The following SEC24C variants were observed in gnomAD, a reference collection of about 807,000 sequenced individuals.
SEC24C encodes the protein SEC24 homolog C, COPII component, also known as protein transport protein Sec24C.
SEC24C carries 22 observed loss-of-function variants against 117.0 expected under a neutral mutation model. The observed-to-expected ratio is 0.19, with a 90% CI of 0.13 to 0.27. The LOEUF (loss-of-function observed/expected upper bound fraction) is 0.27, where lower values mean the gene tolerates loss of function less well. Among genes scored for constraint, SEC24C ranks in the 10% least tolerant of loss-of-function variants. SEC24C has a pLI of 1.00. For synonymous variants in SEC24C, 506 were observed against 529.4 expected (o/e 0.96, Z 0.61); for missense variants, 1,155 against 1,375.1 (o/e 0.84, Z 2.53).
chr10:73,762,199 A>G (rs2082808197), intron 6 of SEC24C: 1 of 1,276,532 alleles, frequency 7.8e-7, no homozygotes, highest in South Asian at 1.2e-5. Context: ...TGTGCATGTC[A>G]TTCCTGTGTT....
At position 73,751,144 on chromosome 10, in the gene SEC24C, C is replaced by A. The variant is rs1444487061; in HGVS notation, c.209C>A (p.Pro70Gln). ...GCCCCACCTTCCTCGGGGGCACCTC[C>A]AGCCTCAACAGCACAGGCTCCTTGT... ...SRAPPSSGAPPASTAQAPCGQ... is the reference protein window; with the variant it reads ...SRAPPSSGAPQASTAQAPCGQ... The change falls in exon 3 of 23, where the codon CCA becomes CAA. Residue 70 changes from proline (P) to glutamine (Q), a missense_variant. By Grantham distance (76) the Pro-to-Gln change is moderately conservative (BLOSUM62 -1). Transcript: ENST00000345254. 1.2e-6 allele frequency: 2 copies of A among 1,614,186 alleles called. No homozygotes were observed. Among genetic ancestry groups the A allele is most frequent in the Non-Finnish European group, 1.7e-6 (2 of 1,180,018 alleles).
At chr10:73,764,478 T>C (rs1281860924) in intron 8 of SEC24C, among the ~76,000 whole-genome samples, 1 of 147,770 alleles carries the variant, frequency 6.8e-6, no homozygotes, top group East Asian at 2.0e-4. Flanking sequence ...GAGGCGAGAT[T>C]GCACCACTGC....
In SEC24C at chr10:73,771,252, T is replaced by G; in HGVS notation, c.*157T>G. On this transcript the variant is annotated 3_prime_UTR_variant, in exon 23 of 23. Transcript: ENST00000345254. ...GAGACACCTTCTTTCTGGGCTCAAG[T>G]ATCCTGCCACTCTGTCATGTCCTGC... 1.3e-6 allele frequency: 1 copy of G among 784,000 alleles called. No homozygotes were observed. The highest frequency in any genetic ancestry group is 2.0e-6 in the Non-Finnish European group (1 of 500,672). The allele number at this position is 784,000 out of a possible 1,614,324, so 48.6% of individuals were successfully genotyped here. A position where few individuals can be genotyped will look rare whatever the true frequency, so the allele number is the denominator to read the frequency against.
At chr10:73,747,071 T>C (rs1186986768) in intron 2 of SEC24C, 67 bp downstream of exon 2, 1 of 1,462,148 alleles carries the variant, frequency 6.8e-7, no homozygotes, top group Non-Finnish European at 9.3e-7. Context: ...GGTTGGGTTG[T>C]ATTGCTCTAG....
chr10:73,766,886 C>T, intron 13 of SEC24C, 33 bp downstream of exon 13: 1 of 1,574,534 alleles, frequency 6.4e-7, no homozygotes, highest in Admixed American at 1.7e-5. Flanking sequence ...CCTCCTCTAA[C>T]TCCATTTTCC....
chr10:73,769,388 C>G lies in SEC24C; in HGVS notation c.2466C>G (p.Leu822=). 1 of 1,614,116 alleles carries G rather than the reference C, an allele frequency of 6.2e-7. No homozygotes were observed. Among genetic ancestry groups the G allele is most frequent in the East Asian group, 2.2e-5 (1 of 44,882 alleles). Residue 822 remains leucine (L), a synonymous_variant, in exon 18 of 23, where the codon CTC becomes CTG. Coordinates refer to ENST00000345254, the MANE Select transcript of SEC24C (RefSeq NM_198597.3). The surrounding 1 kb of genome is among the most constrained non-coding windows in gnomAD (Gnocchi z 4.5). ...CCAGCTGTGCAGGGCAGCGTCGGCTCCGCATCCATAATCTGGCCCTGAACT... is the reference window on the plus strand; with the variant it reads ...CCAGCTGTGCAGGGCAGCGTCGGCTGCGCATCCATAATCTGGCCCTGAACT... ...LYTSCAGQRR[L]RIHNLALNCC...
rs2082991410 is a variant in SEC24C, at chr10:73,771,960, G to T, written c.*865G>T. 4.9e-6 allele frequency: 1 copy of T among 202,094 alleles called. No homozygotes were observed. The highest frequency in any genetic ancestry group is 9.9e-6 in the Non-Finnish European group (1 of 101,230). The allele number at this position is 202,094 out of a possible 1,614,324, so 12.5% of individuals were successfully genotyped here. On this transcript the variant is annotated 3_prime_UTR_variant, in exon 23 of 23. Transcript: ENST00000345254. Reference sequence around the variant, plus strand: ...TCTCTCCTGCTGGGACACCGCTTGGGCTTTGGTATTGACTGAGTGGCTGAC... The same window carrying T: ...TCTCTCCTGCTGGGACACCGCTTGGTCTTTGGTATTGACTGAGTGGCTGAC...
Position 73,769,230 on chromosome 10 carries a change from G to A in SEC24C, c.2424+78G>A, listed in dbSNP as rs977175246. The A allele has an allele frequency of 6.3e-7, 1 of 1,591,240 alleles. No homozygotes were observed. The highest frequency in any genetic ancestry group is 1.1e-5 in the South Asian group (1 of 88,676). On this transcript the variant is annotated intron_variant, in intron 17 of 22. Transcript: ENST00000345254. The surrounding 1 kb of genome is among the most constrained non-coding windows in gnomAD (Gnocchi z 4.5). Reference sequence around the variant, plus strand: ...GAAGAGGGTGAGGAATGGGTAGAGAGCACTAAAAGAAGAGACAGGGCACGG... The same window carrying A: ...GAAGAGGGTGAGGAATGGGTAGAGAACACTAAAAGAAGAGACAGGGCACGG...
intron 2 of SEC24C, among the ~76,000 whole-genome samples, chr10:73,749,249 G>A (rs569245092): frequency 6.6e-6 from 1 of 152,300 alleles, no homozygotes; most frequent in East Asian, 1.9e-4. Flanking sequence ...CTGTTGACTT[G>A]TAGTCTCCTT....
chr10:73,745,391 T>A (rs956477625), intron 1 of SEC24C, among the ~76,000 whole-genome samples: 2 of 151,488 alleles, frequency 1.3e-5, no homozygotes, highest in Non-Finnish European at 2.9e-5. Flanking sequence ...TTCATAGTCT[T>A]CTGCTTGAGG....
chr10:73,768,089 G>C (rs1029208778), intron 15 of SEC24C, 82 bp downstream of exon 15: 11 of 1,376,018 alleles, frequency 8.0e-6, no homozygotes, highest in Non-Finnish European at 1.1e-5. Flanking sequence ...CTCATTAATA[G>C]AAATAGTGTT....
At chr10:73,764,128 C>T in intron 8 of SEC24C, 145 bp downstream of exon 8, 1 of 1,117,168 alleles carries the variant, frequency 9.0e-7, no homozygotes, top group African/African-American at 1.6e-5. Context: ...GGCTTTCTAT[C>T]CCAGGGCCCA....
chr10:73,762,110 C>T (rs2082806479), intron 6 of SEC24C: 3 of 1,289,672 alleles, frequency 2.3e-6, no homozygotes, highest in Non-Finnish European at 3.0e-6. Flanking sequence ...ACTCAGTGAG[C>T]TGCCTCCTCA....
chr10:73,767,222 T>C, intron 14 of SEC24C, 52 bp downstream of exon 14: 1 of 1,207,350 alleles, frequency 8.3e-7, no homozygotes, highest in Non-Finnish European at 1.2e-6. Flanking sequence ...ACAGAGGAAG[T>C]GGGGACTCTA....
chr10:73,766,248 T>C, intron 11 of SEC24C, 38 bp downstream of exon 11: 6 of 1,596,680 alleles, frequency 3.8e-6, no homozygotes, highest in Non-Finnish European at 5.1e-6. Context: ...CTGAGGTTAA[T>C]GATAGGGTGT....
intron 2 of SEC24C, 94 bp from the exon 3 acceptor site, chr10:73,751,014 G>T: frequency 7.2e-7 from 1 of 1,389,002 alleles, no homozygotes; most frequent in Non-Finnish European, 1.0e-6. Context: ...GGCCAGTGAA[G>T]GTCTGAGTTT....
chr10:73,746,765 T>C, intron 1 of SEC24C, 40 bp from the exon 2 acceptor site: 1 of 1,455,128 alleles, frequency 6.9e-7, no homozygotes, highest in East Asian at 2.4e-5. Context: ...TTGCTCTCTT[T>C]AGAAAGTTCA....
intron 1 of SEC24C, among the ~76,000 whole-genome samples, chr10:73,745,490 T>G (rs1230433253): frequency 1.3e-5 from 2 of 151,898 alleles, no homozygotes; most frequent in Non-Finnish European, 2.9e-5. Flanking sequence ...TGAAGAAGTT[T>G]TGGTGCCTGT....
chr10:73,746,462 C>A (rs1320160038), intron 1 of SEC24C, among the ~76,000 whole-genome samples: 3 of 152,164 alleles, frequency 2.0e-5, no homozygotes, highest in Non-Finnish European at 2.9e-5. Flanking sequence ...CCTGTAACAT[C>A]AAGGTAGTTC....
Sources: allele counts gnomAD v4.1 joint callset (sites outside exome capture counted in the v4.1 genomes callset), GRCh38; gene constraint gnomAD v4.1.1; non-coding constraint Gnocchi (gnomAD v3.1); transcripts MANE v1.5; gene names NCBI Gene and HGNC (gene_info 2026-07-23, HGNC 2026-07-21).